ELAVL2: variants seen among roughly 807,000 people sequenced by gnomAD.
The protein encoded by ELAVL2 is ELAV-like protein 2.
In ELAVL2, 4 loss-of-function variants were observed where a neutral mutation model predicts 34.6. That is an observed-to-expected ratio of 0.12 (90% CI 0.06 to 0.26). The LOEUF (loss-of-function observed/expected upper bound fraction) is 0.26. Among genes scored for constraint, ELAVL2 ranks in the 10% least tolerant of loss-of-function variants. The pLI is 1.00. For synonymous variants in ELAVL2, 193 were observed against 154.8 expected, an observed-to-expected ratio of 1.25 and a Z score of -1.83; for missense variants, 432 against 442.8, an observed-to-expected ratio of 0.98 and a Z score of 0.22.
At chr9:23,808,476 T>G (rs2062542166) in intron 1 of ELAVL2, among the ~76,000 whole-genome samples, 1 of 151,986 alleles carries the variant, frequency 6.6e-6, no homozygotes, top group African/African-American at 2.4e-5. Context: ...ACTGGCAAAA[T>G]AATTGCTTTT....
chr9:23,705,919 A>C (rs759589557), intron 3 of ELAVL2, among the ~76,000 whole-genome samples: 40 of 152,198 alleles, frequency 2.6e-4, no homozygotes, highest in Admixed American at 5.9e-4. Flanking sequence ...AATTCATGGA[A>C]CATTTTTGTT....
intron 3 of ELAVL2, among the ~76,000 whole-genome samples, chr9:23,711,964 C>T (rs1359062785): frequency 6.6e-6 from 1 of 152,164 alleles, no homozygotes; most frequent in East Asian, 1.9e-4. Context: ...TGTGTACAGA[C>T]TACAATGAAA....
chr9:23,720,620 A>G (rs1469843240), intron 3 of ELAVL2, among the ~76,000 whole-genome samples: 1 of 152,244 alleles, frequency 6.6e-6, no homozygotes, highest in African/African-American at 2.4e-5. Context: ...GTGTGTGAGA[A>G]CGTGCATTAT....
chr9:23,770,708 C>A (rs1350519949), intron 1 of ELAVL2, among the ~76,000 whole-genome samples: 4 of 152,160 alleles, frequency 2.6e-5, no homozygotes, highest in Non-Finnish European at 5.9e-5. Flanking sequence ...TGCAGCCCTG[C>A]CAACACTTTA....
At chr9:23,732,985 A>T (rs1179825296) in intron 2 of ELAVL2, among the ~76,000 whole-genome samples, 1 of 152,018 alleles carries the variant, frequency 6.6e-6, no homozygotes, top group African/African-American at 2.4e-5. Flanking sequence ...CACAAATATA[A>T]CAGAAAAAGA....
intron 2 of ELAVL2, among the ~76,000 whole-genome samples, chr9:23,752,469 T>TTG (rs1192012698): frequency 1.3e-5 from 2 of 150,634 alleles, no homozygotes; most frequent in African/African-American, 4.9e-5. Context: ...AAACTTTTTT[T>TTG]TGTTTTTTTT....
At chr9:23,736,745 C>G (rs2047990150) in intron 2 of ELAVL2, among the ~76,000 whole-genome samples, 1 of 152,194 alleles carries the variant, frequency 6.6e-6, no homozygotes, top group African/African-American at 2.4e-5. Context: ...ACAACCCTTG[C>G]TTAGACTCCC....
the ELAVL2 span, among the ~76,000 whole-genome samples, chr9:23,836,499 G>A: frequency 7.2e-5 from 11 of 152,234 alleles, no homozygotes; most frequent in South Asian, 1.0e-3. Context: ...TGAATGTGAA[G>A]ATACATGTGT....
chr9:23,702,038 G>A lies in ELAVL2; in HGVS notation c.488-434C>T, dbSNP rs2037438361. ...GTCCTTGAAACAAGGAGAACAGAAAGAAGAATTTGCTAAAAATGCTACAAA... is the reference window on the plus strand; with the variant it reads ...GTCCTTGAAACAAGGAGAACAGAAAAAAGAATTTGCTAAAAATGCTACAAA... On this transcript the variant is annotated intron_variant, in intron 4 of 6. Transcript: ENST00000397312. 2.0e-5 allele frequency among the ~76,000 whole-genome samples: 3 copies of A among 152,248 alleles called. No individual in the cohort carries two copies. In the South Asian group the frequency reaches 6.2e-4, roughly 32 times the overall value.
rs756905438 is a variant in ELAVL2 at position 23,758,888 on chromosome 9, T to C, written c.229+3118A>G. ...AACTTGTCTGTCAATATAATACTTA[T>C]GTTAAGAAATAATTACTAGTATCTC... On this transcript the variant is annotated intron_variant, in intron 2 of 6. Transcript: ENST00000397312. 2.0e-5 allele frequency among the ~76,000 whole-genome samples: 3 copies of C among 152,166 alleles called. No individual in the cohort carries two copies. In the East Asian group the frequency reaches 5.8e-4, roughly 29 times the overall value.
intron 2 of ELAVL2, among the ~76,000 whole-genome samples, chr9:23,760,461 T>C (rs975052044): frequency 3.3e-5 from 5 of 151,878 alleles, no homozygotes; most frequent in African/African-American, 9.7e-5. Context: ...AAAATCCACA[T>C]GTCAGGGGTG....
chr9:23,796,998 CAG>C (rs1263261131), intron 1 of ELAVL2, among the ~76,000 whole-genome samples: 2 of 152,118 alleles, frequency 1.3e-5, no homozygotes, highest in African/African-American at 4.8e-5. Flanking sequence ...CTGGTTGATG[CAG>C]AGTCCAACTC....
At chr9:23,768,125 C>A (rs540763052) in intron 1 of ELAVL2, among the ~76,000 whole-genome samples, 18 of 152,294 alleles carry the variant, frequency 1.2e-4, no homozygotes, top group African/African-American at 3.4e-4. Context: ...TCCCACAGCT[C>A]CCTGCTGCCT....
At chr9:23,816,507 T>C (rs1588788309) in intron 1 of ELAVL2, among the ~76,000 whole-genome samples, 2 of 152,112 alleles carry the variant, frequency 1.3e-5, no homozygotes, top group East Asian at 3.9e-4. Context: ...ATTTAGAATA[T>C]AAATTTCCCT....
intron 2 of ELAVL2, among the ~76,000 whole-genome samples, chr9:23,733,195 A>G (rs939253749): frequency 6.8e-6 from 1 of 147,398 alleles, no homozygotes; most frequent in Non-Finnish European, 1.5e-5. Flanking sequence ...AAAAAAAACT[A>G]AAACAAAAAA....
chr9:23,847,237 T>C, the ELAVL2 span: 24 of 152,100 alleles, frequency 1.6e-4, no homozygotes, highest in Non-Finnish European at 5.9e-5. Flanking sequence ...AAAACTCTAA[T>C]GTCACTTCAG....
intron 5 of ELAVL2, among the ~76,000 whole-genome samples, chr9:23,701,155 T>A (rs1463245100): frequency 1.3e-5 from 2 of 152,222 alleles, no homozygotes; most frequent in South Asian, 2.1e-4. Context: ...TAAGAATCAC[T>A]GCTGTAGGTT....
At chr9:23,694,066 T>A (rs1174682987) in intron 5 of ELAVL2, among the ~76,000 whole-genome samples, 2 of 152,152 alleles carry the variant, frequency 1.3e-5, no homozygotes, top group African/African-American at 4.8e-5. Flanking sequence ...CAACCCAAGC[T>A]AACCCTCCCA....
intron 1 of ELAVL2, among the ~76,000 whole-genome samples, chr9:23,797,215 C>A (rs1238329114): frequency 6.6e-6 from 1 of 152,098 alleles, no homozygotes; most frequent in East Asian, 1.9e-4. Flanking sequence ...TACTTAAGCC[C>A]AAAAGTGAAC....
Sources: allele counts gnomAD v4.1 joint callset (sites outside exome capture counted in the v4.1 genomes callset), GRCh38; gene constraint gnomAD v4.1.1; transcripts MANE v1.5; gene names NCBI Gene and HGNC (gene_info 2026-07-23, HGNC 2026-07-21).